The following CATSPER2 variants were observed in gnomAD, a reference collection of about 807,000 sequenced individuals.
CATSPER2 encodes cation channel sperm associated 2.
Under a neutral mutation model 68.8 loss-of-function variants are expected in CATSPER2, and 56 were observed. That is an observed-to-expected ratio of 0.81 (90% CI 0.66 to 1.02). The LOEUF (loss-of-function observed/expected upper bound fraction) is 1.02, where lower values mean the gene tolerates loss of function less well. CATSPER2 is among the 50% of genes least tolerant of loss of function. The probability of loss-of-function intolerance (pLI) is 0.00; values close to 1 mark genes in which losing one functional copy is unlikely to be tolerated. For synonymous variants in CATSPER2, 198 were observed against 229.9 expected (o/e 0.86, Z 1.26); for missense variants, 582 against 642.0 (o/e 0.91, Z 1.01).
intron 10 of CATSPER2, chr15:43,633,984 A>T (rs571356569): frequency 6.6e-6 from 1 of 151,474 alleles, no homozygotes; most frequent in Non-Finnish European, 1.5e-5. Flanking sequence ...AAAAACCTAC[A>T]ACCCATTTGC....
At chr15:43,639,574 C>T (rs903019857) in intron 6 of CATSPER2, 69 bp downstream of exon 6, 1 of 1,608,610 alleles carries the variant, frequency 6.2e-7, no homozygotes, top group Non-Finnish European at 8.5e-7. Flanking sequence ...CAATTTGTTT[C>T]ATATTCTATG....
intron 6 of CATSPER2, 31 bp from the exon 7 acceptor site, chr15:43,639,059 G>C: frequency 6.2e-7 from 1 of 1,608,772 alleles, no homozygotes; most frequent in Non-Finnish European, 8.5e-7. Flanking sequence ...GTCAGATGTG[G>C]GCCAAACTAG....
intron 7 of CATSPER2, chr15:43,637,609 A>C (rs2085986206): frequency 6.6e-6 from 1 of 152,034 alleles, no homozygotes; most frequent in African/African-American, 2.4e-5. Flanking sequence ...TCTAGAAAAC[A>C]CTGATTAGTG....
At chr15:43,636,671 G>A (rs2085970475) in intron 7 of CATSPER2, among the ~76,000 whole-genome samples, 1 of 151,722 alleles carries the variant, frequency 6.6e-6, no homozygotes, top group South Asian at 2.1e-4. Context: ...GATTATAGGT[G>A]TGAGCCACCG....
chr15:43,642,480 AT>A (rs1262107045), intron 4 of CATSPER2: 2 of 137,618 alleles, frequency 1.5e-5, no homozygotes, highest in Admixed American at 7.7e-5. Context: ...AAAATACAAA[AT>A]TTTTTCACTT....
At chr15:43,648,290 G>A (rs375049099) in intron 1 of CATSPER2, among the ~76,000 whole-genome samples, 1 of 151,940 alleles carries the variant, frequency 6.6e-6, no homozygotes, top group East Asian at 1.9e-4. Context: ...CGACCAAGCG[G>A]CCAGGCATCT....
chr15:43,648,207 A>G, intron 1 of CATSPER2, 144 bp from the exon 2 acceptor site: 1 of 979,292 alleles, frequency 1.0e-6, no homozygotes, highest in East Asian at 2.4e-5. Flanking sequence ...AGCAGTTGGG[A>G]AGAACAAACA....
chr15:43,635,835 A>C lies in CATSPER2; in HGVS notation c.1022-9T>G, dbSNP rs1458630996. 5 of 1,610,598 alleles carry C rather than the reference A, an allele frequency of 3.1e-6. No homozygotes were observed. Among genetic ancestry groups the C allele is most frequent in the Admixed American group, 1.7e-5 (1 of 59,908 alleles). On this transcript the variant is annotated splice_polypyrimidine_tract_variant and intron_variant, in intron 8 of 12. Coordinates refer to ENST00000396879, the MANE Select transcript of CATSPER2 (RefSeq NM_172095.4). ...ATTCTGAAAGTTAGTAACTGCCCCAAAGGGCCATTAGGAGCTGGGAGATGG... is the reference window on the plus strand; with the variant it reads ...ATTCTGAAAGTTAGTAACTGCCCCACAGGGCCATTAGGAGCTGGGAGATGG...
At position 43,645,362 on chromosome 15, in the gene CATSPER2, G is replaced by A. The variant is rs543650620; in HGVS notation, c.388+1688C>T. Among the ~76,000 whole-genome samples the A allele has an allele frequency of 1.1e-4, 16 of 151,980 alleles. 1 individual carries two copies. Among genetic ancestry groups the A allele is most frequent in the African/African-American group, 3.6e-4 (15 of 41,470 alleles). On this transcript the variant is annotated intron_variant, in intron 4 of 12. Transcript: ENST00000396879. Reference sequence around the variant, plus strand: ...TGAACCACCATGCCTGGGCCCCAGAGATAAGCTTGTAGGGGACTTGGAGCT... The same window carrying A: ...TGAACCACCATGCCTGGGCCCCAGAAATAAGCTTGTAGGGGACTTGGAGCT...
intron 4 of CATSPER2, among the ~76,000 whole-genome samples, chr15:43,644,730 G>A (rs1310746465): frequency 1.3e-5 from 2 of 151,914 alleles, no homozygotes; most frequent in Non-Finnish European, 2.9e-5. Flanking sequence ...GCTTCATCCT[G>A]AAACCTCCCT....
At chr15:43,640,204 CAAAA>C (rs1475558466) in intron 5 of CATSPER2, 116 bp downstream of exon 5, 1 of 1,577,798 alleles carries the variant, frequency 6.3e-7, no homozygotes, top group African/African-American at 1.4e-5. Context: ...GAAAAAAAAT[CAAAA>C]GAAAGAAGTT....
intron 7 of CATSPER2, among the ~76,000 whole-genome samples, chr15:43,638,227 T>C (rs531748793): frequency 6.6e-6 from 1 of 151,568 alleles, no homozygotes; most frequent in African/African-American, 2.4e-5. Flanking sequence ...CTGCTGGGAT[T>C]ATAGGCATGA....
rs2086199934 is a variant in CATSPER2, at chr15:43,647,916, C to G, written c.145+1G>C. 3.1e-6 allele frequency: 5 copies of G among 1,613,296 alleles called. No individual in the cohort carries two copies. The highest frequency in any genetic ancestry group is 4.2e-6 in the Non-Finnish European group (5 of 1,179,556). Reference sequence around the variant, plus strand: ...AATTAGTGAAGAAATAGGCTGCTGACCAAGTAACTCCCTGATAGTGTGCCG... The same window carrying G: ...AATTAGTGAAGAAATAGGCTGCTGAGCAAGTAACTCCCTGATAGTGTGCCG... On this transcript the variant is annotated splice_donor_variant, in intron 2 of 12. Transcript: ENST00000396879. LOFTEE classifies it high-confidence loss of function.
chr15:43,646,712 C>A (rs1595984757), intron 4 of CATSPER2, among the ~76,000 whole-genome samples: 1 of 136,122 alleles, frequency 7.3e-6, no homozygotes, highest in South Asian at 2.2e-4. Context: ...TCCTCTTTTT[C>A]TTTTTCTTTT....
At position 43,639,752 on chromosome 15, in the gene CATSPER2, G is replaced by T. The variant is rs781714778; in HGVS notation, c.608C>A (p.Ser203Ter). 7.4e-6 allele frequency: 12 copies of T among 1,611,934 alleles called. No individual in the cohort carries two copies. The highest frequency in any genetic ancestry group is 1.0e-5 in the Non-Finnish European group (12 of 1,178,550). ...GATCCTCAGAAGCTGAAGCCACACC[G>T]ATTGGCCTGTTACCCCTACCAATAC... is the stretch of plus-strand genomic sequence containing the variant. ...VVVLVGVTGQSVWLQLLRICR... is the reference protein window; with the variant it reads ...VVVLVGVTGQ Residue 203 changes from serine to a stop codon, truncating the protein, a stop_gained, in exon 6 of 13, where the codon TCG (serine) becomes TAG (stop). Transcript: ENST00000396879. LOFTEE classifies it high-confidence loss of function.
At chr15:43,634,072 G>C (rs1161216513) in intron 10 of CATSPER2, 1 of 151,734 alleles carries the variant, frequency 6.6e-6, no homozygotes, top group East Asian at 1.9e-4. Flanking sequence ...TATTTTAACA[G>C]ATTAATTTAC....
At chr15:43,644,589 T>C (rs2086128351) in intron 4 of CATSPER2, among the ~76,000 whole-genome samples, 1 of 151,882 alleles carries the variant, frequency 6.6e-6, no homozygotes, top group Admixed American at 6.6e-5. Context: ...TGAGTGAGCA[T>C]TACCGCCTGA....
chr15:43,632,780 A>G lies in CATSPER2; in HGVS notation c.1333T>C (p.Cys445Arg), dbSNP rs760776792. The change falls in exon 11 of 13, where the codon TGT becomes CGT. Residue 445 changes from cysteine to arginine, a missense_variant. Cys to Arg is a radical substitution (Grantham distance 180). This residue lies in a region of CATSPER2 where 235 missense variants were observed against 264.2 expected (regional missense o/e 0.89). Coordinates refer to ENST00000396879, the MANE Select transcript of CATSPER2 (RefSeq NM_172095.4). Reference protein sequence around the residue: ...SKKREYQSSSCVSSTSSSYSS... With the variant: ...SKKREYQSSSRVSSTSSSYSS... ...TAGGAAGAGGATGTGGAGGAGACAC[A>G]GGAGGAAGACTGGTACTCTCTCTTT... The G allele has an allele frequency of 1.1e-5, 17 of 1,613,666 alleles. No homozygotes were observed. Among genetic ancestry groups the G allele is most frequent in the Non-Finnish European group, 1.4e-5 (16 of 1,179,846 alleles).
At chr15:43,635,478 A>T in intron 9 of CATSPER2, 62 bp from the exon 10 acceptor site, 1 of 1,556,300 alleles carries the variant, frequency 6.4e-7, no homozygotes, top group Non-Finnish European at 8.8e-7. Flanking sequence ...GTGGTAAGAA[A>T]AAAAAAGTTC....
Sources: allele counts gnomAD v4.1 joint callset (sites outside exome capture counted in the v4.1 genomes callset), GRCh38; gene constraint gnomAD v4.1.1; regional missense constraint gnomAD v4.1.1; transcripts MANE v1.5; gene names NCBI Gene and HGNC (gene_info 2026-07-23, HGNC 2026-07-21).